The following EIPR1 variants were observed in gnomAD, a reference collection of about 807,000 sequenced individuals.
EIPR1 encodes EARP complex and GARP complex interacting protein 1, also known as EARP and GARP complex-interacting protein 1.
In EIPR1, 25 loss-of-function variants were observed where a neutral mutation model predicts 48.1. The ratio of observed to expected loss-of-function variants is 0.52; its 90% CI spans 0.38 to 0.73. The LOEUF (loss-of-function observed/expected upper bound fraction) is 0.73. EIPR1 is among the 30% of genes least tolerant of loss of function. The pLI is 0.00. For synonymous variants in EIPR1, 204 were observed against 201.9 expected (o/e 1.01, Z -0.09); for missense variants, 415 against 506.2 (o/e 0.82, Z 1.73).
intron 2 of EIPR1, among the ~76,000 whole-genome samples, chr2:3,342,012 CTA>C (rs1428427429): frequency 6.6e-6 from 1 of 152,008 alleles, no homozygotes; most frequent in Non-Finnish European, 1.5e-5. Flanking sequence ...ACAGGGAATT[CTA>C]TGATAGAATT....
intron 7 of EIPR1, among the ~76,000 whole-genome samples, 160 bp from the exon 8 acceptor site, chr2:3,192,741 G>A (rs549778661): frequency 8.5e-5 from 13 of 152,310 alleles, no homozygotes; most frequent in South Asian, 4.1e-4. Context: ...GCAGTTTTCC[G>A]CTGAGGTTGG....
intron 4 of EIPR1, among the ~76,000 whole-genome samples, chr2:3,245,443 C>T (rs1427737433): frequency 1.3e-5 from 2 of 152,198 alleles, no homozygotes; most frequent in South Asian, 2.1e-4. Context: ...AAACTCCTAA[C>T]CTCAGGTGAT....
intron 4 of EIPR1, among the ~76,000 whole-genome samples, chr2:3,223,953 C>G (rs1422402257): frequency 6.6e-6 from 1 of 152,200 alleles, no homozygotes. Flanking sequence ...GAGAACCATC[C>G]CGGGAACAAA....
At chr2:3,251,469 C>A (rs1363272502) in intron 4 of EIPR1, among the ~76,000 whole-genome samples, 2 of 152,152 alleles carry the variant, frequency 1.3e-5, no homozygotes, top group Non-Finnish European at 2.9e-5. Context: ...CGAGGCCCCA[C>A]AACCACCCCC....
intron 2 of EIPR1, among the ~76,000 whole-genome samples, chr2:3,347,614 T>C (rs1053965317): frequency 1.3e-5 from 2 of 152,226 alleles, no homozygotes; most frequent in Non-Finnish European, 2.9e-5. Flanking sequence ...AACAGACTGA[T>C]ACAGGGTCAA....
chr2:3,308,938 G>A (rs934013514), intron 3 of EIPR1, among the ~76,000 whole-genome samples: 1 of 152,156 alleles, frequency 6.6e-6, no homozygotes, highest in Non-Finnish European at 1.5e-5. Context: ...TCAAAAGGAG[G>A]AAAACTAAGG....
intron 3 of EIPR1, among the ~76,000 whole-genome samples, chr2:3,290,861 C>T (rs759058263): frequency 6.6e-6 from 1 of 152,232 alleles, no homozygotes; most frequent in Non-Finnish European, 1.5e-5. Flanking sequence ...ACAGACAGCG[C>T]TTCCATCACG....
intron 4 of EIPR1, among the ~76,000 whole-genome samples, chr2:3,256,103 C>A (rs1444243536): frequency 6.6e-6 from 1 of 152,188 alleles, no homozygotes; most frequent in African/African-American, 2.4e-5. Flanking sequence ...GAAATATCCA[C>A]CGACGTGGTA....
At chr2:3,364,338 A>G (rs550017983) in intron 1 of EIPR1, among the ~76,000 whole-genome samples, 1 of 152,358 alleles carries the variant, frequency 6.6e-6, no homozygotes, top group South Asian at 2.1e-4. Flanking sequence ...GCCATAAAAA[A>G]GAATAAAATT....
At chr2:3,213,608 G>A (rs1665529460) in intron 5 of EIPR1, among the ~76,000 whole-genome samples, 1 of 152,126 alleles carries the variant, frequency 6.6e-6, no homozygotes, top group African/African-American at 2.4e-5. Context: ...AAATACTCCT[G>A]GGCATCCCAC....
At chr2:3,318,538 G>A (rs1045470006) in intron 3 of EIPR1, among the ~76,000 whole-genome samples, 4 of 152,188 alleles carry the variant, frequency 2.6e-5, no homozygotes, top group Admixed American at 1.3e-4. Flanking sequence ...AGTGAGGAAC[G>A]CAAGAAACAA....
intron 2 of EIPR1, among the ~76,000 whole-genome samples, chr2:3,349,989 T>C (rs1236420636): frequency 6.6e-6 from 1 of 151,838 alleles, no homozygotes; most frequent in Admixed American, 6.6e-5. Context: ...CTGGGCGTGG[T>C]GGCCTGTGCC....
chr2:3,215,224 G>C (rs1665591112), intron 4 of EIPR1, among the ~76,000 whole-genome samples: 1 of 152,238 alleles, frequency 6.6e-6, no homozygotes, highest in African/African-American at 2.4e-5. Context: ...GTGGGGGCTG[G>C]AGGGTGGAGA....
At chr2:3,363,589 AGGAGGCTGAGGTG>A (rs1670901697) in intron 1 of EIPR1, among the ~76,000 whole-genome samples, 1 of 152,178 alleles carries the variant, frequency 6.6e-6, no homozygotes, top group Admixed American at 6.5e-5. Context: ...CCAACTGCTC[AGGAGGCTGAGGTG>A]GGAGGCTTGA....
chr2:3,295,842 C>CAG (rs2103283862), intron 3 of EIPR1, among the ~76,000 whole-genome samples: 1 of 137,988 alleles, frequency 7.2e-6, no homozygotes, highest in Non-Finnish European at 1.6e-5. Flanking sequence ...CCTGCACACA[C>CAG]ACACCCTCCA....
At chr2:3,277,186 G>A (rs559264281) in intron 3 of EIPR1, among the ~76,000 whole-genome samples, 19 of 138,098 alleles carry the variant, frequency 1.4e-4, no homozygotes, top group East Asian at 4.1e-4. Flanking sequence ...CTCCACCCAC[G>A]CGGCCCCACA....
In EIPR1 at chr2:3,208,807, C is replaced by T. The variant is rs973483024; in HGVS notation, c.516+5342G>A. On this transcript the variant is annotated intron_variant, in intron 5 of 8. Transcript: ENST00000382125. ...GTGAGGCTCGTGGCAGGTCCTCCTTCTGTGAGTGAGGCCCGTGGCAGGTGC... is the reference window on the plus strand; with the variant it reads ...GTGAGGCTCGTGGCAGGTCCTCCTTTTGTGAGTGAGGCCCGTGGCAGGTGC... 12 of 1,549,934 alleles carry T rather than the reference C, an allele frequency of 7.7e-6. No homozygotes were observed. The African/African-American group carries it at 1.5e-4, about 19-fold the overall frequency.
intron 3 of EIPR1, among the ~76,000 whole-genome samples, chr2:3,287,574 G>A (rs987681917): frequency 4.0e-5 from 6 of 149,744 alleles, no homozygotes; most frequent in Non-Finnish European, 7.4e-5. Flanking sequence ...CGTTCACCAC[G>A]CTCCAGAAAG....
At chr2:3,322,142 C>A (rs6548152) in intron 3 of EIPR1, among the ~76,000 whole-genome samples, 30,870 of 152,018 alleles carry the variant, frequency 0.2, 4,874 homozygotes, top group East Asian at 0.58. Flanking sequence ...GAGGTCAGCA[C>A]GGTCCTCCCC....
Sources: allele counts gnomAD v4.1 joint callset (sites outside exome capture counted in the v4.1 genomes callset), GRCh38; gene constraint gnomAD v4.1.1; transcripts MANE v1.5; gene names NCBI Gene and HGNC (gene_info 2026-07-23, HGNC 2026-07-21).